XKR9: variants seen among roughly 807,000 people sequenced by gnomAD.
XKR9 encodes XK related 9.
A neutral mutation model predicts 32.0 loss-of-function variants in XKR9; 32 were observed. The observed-to-expected ratio is 1.00, with a 90% CI of 0.76 to 1.34. The LOEUF is 1.34. Among genes scored for constraint, XKR9 ranks in the 40% most tolerant of loss-of-function variants. The pLI is 0.00. For missense variants in XKR9, 546 were observed against 429.7 expected, an observed-to-expected ratio of 1.27 and a Z score of -2.39; for synonymous variants, 168 against 143.4, an observed-to-expected ratio of 1.17 and a Z score of -1.22.
At chr8:70,866,903 G>T in the XKR9 span, among the ~76,000 whole-genome samples, 1 of 152,136 alleles carries the variant, frequency 6.6e-6, no homozygotes, top group Non-Finnish European at 1.5e-5. Context: ...TGTAATGTAG[G>T]TATTATTGTT....
chr8:71,010,864 G>T, the XKR9 span, among the ~76,000 whole-genome samples: 1 of 152,250 alleles, frequency 6.6e-6, no homozygotes, highest in East Asian at 1.9e-4. Flanking sequence ...TCATGAATCT[G>T]CATGTTACAC....
chr8:71,042,574 A>G, the XKR9 span, among the ~76,000 whole-genome samples: 2 of 152,178 alleles, frequency 1.3e-5, no homozygotes, highest in Non-Finnish European at 2.9e-5. Context: ...TGAATGTAGT[A>G]AGTGCTGTGT....
At chr8:70,702,656 T>C (rs1805579318) in intron 3 of XKR9, among the ~76,000 whole-genome samples, 1 of 152,198 alleles carries the variant, frequency 6.6e-6, no homozygotes, top group Non-Finnish European at 1.5e-5. Context: ...AATTTATTCT[T>C]ATATTATTAT....
intron 3 of XKR9, among the ~76,000 whole-genome samples, chr8:70,695,259 A>G (rs62530778): frequency 0.53 from 76,116 of 144,524 alleles, 21,155 homozygotes; most frequent in Middle Eastern, 0.62. Flanking sequence ...CATGTGCCAC[A>G]CTGGTGTGCT....
chr8:70,887,532 C>T, the XKR9 span, among the ~76,000 whole-genome samples: 11 of 152,100 alleles, frequency 7.2e-5, no homozygotes, highest in East Asian at 2.1e-3. Context: ...GCCATTTTCA[C>T]GATATTGATT....
At chr8:70,811,335 G>A in the XKR9 span, among the ~76,000 whole-genome samples, 1 of 152,148 alleles carries the variant, frequency 6.6e-6, no homozygotes, top group Middle Eastern at 3.2e-3. Context: ...ACAAGAGAAA[G>A]CAGGAAAGAT....
At chr8:70,998,310 A>G in the XKR9 span, among the ~76,000 whole-genome samples, 1 of 152,182 alleles carries the variant, frequency 6.6e-6, no homozygotes, top group Non-Finnish European at 1.5e-5. Flanking sequence ...ACTCCTGCCA[A>G]CCTGCAGGCA....
the XKR9 span, among the ~76,000 whole-genome samples, chr8:70,960,648 C>T: frequency 2.2e-3 from 340 of 151,930 alleles, 2 homozygotes; most frequent in Middle Eastern, 6.8e-3. Context: ...GAGACTGAGG[C>T]GGGAGGATTG....
At chr8:70,721,725 T>C (rs968037316) in intron 4 of XKR9, among the ~76,000 whole-genome samples, 1 of 152,168 alleles carries the variant, frequency 6.6e-6, no homozygotes, top group African/African-American at 2.4e-5. Context: ...CTTCCAATTA[T>C]GTTGTCGATT....
chr8:71,000,516 AGAT>A, the XKR9 span, among the ~76,000 whole-genome samples: 4 of 152,192 alleles, frequency 2.6e-5, no homozygotes, highest in Non-Finnish European at 4.4e-5. Flanking sequence ...CAGCTGGAAA[AGAT>A]AGATTCTAAA....
At chr8:70,832,974 A>T in the XKR9 span, among the ~76,000 whole-genome samples, 1 of 152,240 alleles carries the variant, frequency 6.6e-6, no homozygotes, top group African/African-American at 2.4e-5. Context: ...TATCAAATGA[A>T]TAAATAAATG....
the XKR9 span, among the ~76,000 whole-genome samples, chr8:70,849,854 A>G: frequency 4.3e-4 from 65 of 152,300 alleles, no homozygotes; most frequent in African/African-American, 1.5e-3. Flanking sequence ...TCCACAAATA[A>G]GCTGGAAAAT....
chr8:70,750,968 C>G (rs1807131587), intron 2 of XKR9, among the ~76,000 whole-genome samples: 1 of 152,118 alleles, frequency 6.6e-6, no homozygotes, highest in African/African-American at 2.4e-5. Flanking sequence ...GTGGTTGGGC[C>G]TCATCTACTC....
At chr8:70,805,427 C>T in the XKR9 span, among the ~76,000 whole-genome samples, 1 of 152,208 alleles carries the variant, frequency 6.6e-6, no homozygotes, top group African/African-American at 2.4e-5. Context: ...GCTGTGGCTG[C>T]CTGCTGTCTA....
At chr8:70,863,337 C>G in the XKR9 span, among the ~76,000 whole-genome samples, 1 of 152,058 alleles carries the variant, frequency 6.6e-6, no homozygotes, top group Non-Finnish European at 1.5e-5. Flanking sequence ...ACAGAACTTA[C>G]AAAAAATCAG....
chr8:70,929,070 C>A, the XKR9 span, among the ~76,000 whole-genome samples: 1 of 152,132 alleles, frequency 6.6e-6, no homozygotes, highest in Non-Finnish European at 1.5e-5. Flanking sequence ...ATTTCCCTTA[C>A]CACATGATCC....
At chr8:70,716,642 G>A (rs1031215810) in intron 4 of XKR9, among the ~76,000 whole-genome samples, 1 of 152,106 alleles carries the variant, frequency 6.6e-6, no homozygotes, top group South Asian at 2.1e-4. Flanking sequence ...CATGACACGT[G>A]GGGCTTATAG....
At chr8:70,743,188 A>G (rs573773394) in intron 2 of XKR9, among the ~76,000 whole-genome samples, 13 of 152,076 alleles carry the variant, frequency 8.5e-5, no homozygotes, top group Non-Finnish European at 1.9e-4. Context: ...CATATAATGA[A>G]TTTTTAACAT....
At chr8:70,858,656 C>G in the XKR9 span, among the ~76,000 whole-genome samples, 10 of 152,000 alleles carry the variant, frequency 6.6e-5, no homozygotes, top group Non-Finnish European at 1.0e-4. Flanking sequence ...GGTATAAAAA[C>G]AGACATAGAC....
Sources: allele counts gnomAD v4.1 joint callset (sites outside exome capture counted in the v4.1 genomes callset), GRCh38; gene constraint gnomAD v4.1.1; transcripts MANE v1.5; gene names NCBI Gene and HGNC (gene_info 2026-07-23, HGNC 2026-07-21).